Variants in ADA2 observed in about 807,000 individuals in gnomAD.
The protein encoded by ADA2 is adenosine deaminase CECR1.
ADA2 carries 29 observed loss-of-function variants against 44.2 expected under a neutral mutation model. The ratio of observed to expected loss-of-function variants is 0.66; its 90% CI spans 0.49 to 0.89. The LOEUF (loss-of-function observed/expected upper bound fraction) is 0.89. ADA2 is among the 40% of genes least tolerant of loss of function. ADA2 has a pLI of 0.00. For missense variants in ADA2, 637 were observed against 644.8 expected (o/e 0.99, Z 0.13); for synonymous variants, 215 against 234.9 (o/e 0.92, Z 0.77).
At position 17,182,011 on chromosome 22, in the gene ADA2, C is replaced by T. The variant is rs2061976532; in HGVS notation, c.1251G>A (p.Leu417=). ...VCPISNQVLK[L]VSDLRNHPVA... is the part of the protein sequence containing the mutation. ...CAGGGTGGTTCCTCAAGTCAGACAC[C>T]AGTTTCAGCACCTGCGCAATAGGAG... is the stretch of plus-strand genomic sequence containing the variant. The change falls in exon 9 of 10, where the codon CTG becomes CTA. Residue 417 remains leucine (L), a synonymous_variant. Transcript: ENST00000399837. 6.2e-7 allele frequency: 1 copy of T among 1,613,442 alleles called. No homozygotes were observed. Among genetic ancestry groups the T allele is most frequent in the Non-Finnish European group, 8.5e-7 (1 of 1,179,674 alleles).
Position 17,182,911 on chromosome 22 carries a change from TACAC to T in ADA2, c.1082-154_1082-151del, listed in dbSNP as rs972359086. ...GAAGAGAAATTAACATTAACACAAATACACACACACAGTTTCCTTTTAACAATGC... is the reference window on the plus strand; with the variant it reads ...GAAGAGAAATTAACATTAACACAAATACACACAGTTTCCTTTTAACAATGC... On this transcript the variant is annotated intron_variant, in intron 7 of 9. Transcript: ENST00000399837. 4.4e-6 allele frequency: 3 copies of T among 676,414 alleles called. No homozygotes were observed. In the Admixed American group the frequency reaches 8.8e-5, roughly 20 times the overall value. The allele number at this position is 676,414 out of a possible 1,614,324, so 41.9% of individuals were successfully genotyped here.
intron 4 of ADA2, chr22:17,192,992 A>C (rs2062139602): frequency 3.2e-6 from 2 of 634,438 alleles, no homozygotes; most frequent in East Asian, 6.1e-5. Context: ...AATACGTCAA[A>C]ATTAACCGTA....
chr22:17,194,503 CGCTGCCTGGGCA>C (rs2062165513), intron 4 of ADA2, among the ~76,000 whole-genome samples: 2 of 152,048 alleles, frequency 1.3e-5, no homozygotes, highest in Admixed American at 1.3e-4. Flanking sequence ...GGTGCTGCCC[CGCTGCCTGGGCA>C]GGCGCAGTGG....
chr22:17,215,562 T>C (rs555876416), intron 1 of ADA2, among the ~76,000 whole-genome samples: 5 of 148,032 alleles, frequency 3.4e-5, no homozygotes, highest in African/African-American at 5.0e-5. Context: ...GCCGAGATCA[T>C]GCCATTGCAC....
chr22:17,196,546 G>A (rs1379836261), intron 4 of ADA2, among the ~76,000 whole-genome samples: 1 of 152,096 alleles, frequency 6.6e-6, no homozygotes, highest in Non-Finnish European at 1.5e-5. Context: ...CAGCAGGGAA[G>A]AATAGGGTTC....
rs936355146 is a variant in ADA2 at position 17,180,498 on chromosome 22, G to A, written c.*985C>T. Reference sequence around the variant, plus strand: ...GTGTCCTTCACCAGCTATGGGAAAGGCCAGGGAAAGGTTTAAAGGGCTGAG... The same window carrying A: ...GTGTCCTTCACCAGCTATGGGAAAGACCAGGGAAAGGTTTAAAGGGCTGAG... On this transcript the variant is annotated 3_prime_UTR_variant, in exon 10 of 10. Transcript: ENST00000399837. 1 of 152,260 alleles carries A rather than the reference G, an allele frequency of 6.6e-6. No individual in the cohort carries two copies. Among genetic ancestry groups the A allele is most frequent in the African/African-American group, 2.4e-5 (1 of 41,444 alleles). The allele number at this position is 152,260 out of a possible 1,614,324, so 9.4% of individuals were successfully genotyped here.
chr22:17,183,454 CT>C (rs2061996433), intron 7 of ADA2, among the ~76,000 whole-genome samples: 3 of 76,244 alleles, frequency 3.9e-5, no homozygotes, highest in Non-Finnish European at 5.5e-5. Context: ...TTTTGTGGCA[CT>C]CTTTTTTTTT....
chr22:17,197,030 G>A (rs143677207), intron 4 of ADA2, among the ~76,000 whole-genome samples: 227 of 152,084 alleles, frequency 1.5e-3, no homozygotes, highest in African/African-American at 4.3e-3. Flanking sequence ...AAAATTAGCC[G>A]GGCATGGTGA....
intron 7 of ADA2, among the ~76,000 whole-genome samples, chr22:17,183,945 T>A (rs1434951098): frequency 1.4e-5 from 2 of 138,760 alleles, no homozygotes; most frequent in Admixed American, 7.8e-5. Context: ...GCCATCCCCA[T>A]CACACCTTTC....
At chr22:17,186,783 C>G (rs1268578905) in intron 7 of ADA2, among the ~76,000 whole-genome samples, 2 of 151,898 alleles carry the variant, frequency 1.3e-5, no homozygotes, top group Admixed American at 6.6e-5. Flanking sequence ...GCAGAAGAAT[C>G]ACTTGAACCC....
intron 1 of ADA2, among the ~76,000 whole-genome samples, chr22:17,217,820 G>A (rs147627433): frequency 1.3e-5 from 2 of 152,096 alleles, no homozygotes; most frequent in African/African-American, 4.8e-5. Flanking sequence ...AAATAAATAC[G>A]TAAATAAAAT....
At chr22:17,210,778 A>G (rs11704201) in intron 1 of ADA2, among the ~76,000 whole-genome samples, 17,425 of 150,784 alleles carry the variant, frequency 0.12, 1,150 homozygotes, top group East Asian at 0.21. Context: ...TTGTATTTTT[A>G]ATAGAGACCA....
intron 4 of ADA2, among the ~76,000 whole-genome samples, chr22:17,196,147 C>G (rs376436658): frequency 2.6e-5 from 4 of 151,938 alleles, no homozygotes; most frequent in African/African-American, 9.7e-5. Flanking sequence ...AGTTGACCAG[C>G]CTGGCCAACA....
At chr22:17,205,597 C>A (rs900088272) in intron 3 of ADA2, among the ~76,000 whole-genome samples, 1 of 152,182 alleles carries the variant, frequency 6.6e-6, no homozygotes, top group South Asian at 2.1e-4. Context: ...CTCAGCTTCA[C>A]GTTTCTCATT....
chr22:17,199,851 G>T, intron 4 of ADA2: 3 of 974,256 alleles, frequency 3.1e-6, no homozygotes, highest in Non-Finnish European at 2.8e-6. Context: ...GGCCGACGTG[G>T]GTGTATTTGC....
At chr22:17,216,993 T>A (rs2123735795) in intron 1 of ADA2, among the ~76,000 whole-genome samples, 1 of 151,898 alleles carries the variant, frequency 6.6e-6, no homozygotes, top group East Asian at 1.9e-4. Context: ...GTAATTAACA[T>A]CCTTAAAGAC....
Position 17,183,123 on chromosome 22 carries a change from C to T in ADA2, c.1082-362G>A, listed in dbSNP as rs552397410. On this transcript the variant is annotated intron_variant, in intron 7 of 9. Coordinates refer to ENST00000399837, the MANE Select transcript of ADA2 (RefSeq NM_001282225.2). ...TTTTTGAGACACAGTCTTGCTCTGT[C>T]GCCAGGCTGGAGTACAGTGGCACGA... Among the ~76,000 whole-genome samples the T allele has an allele frequency of 1.4e-4, 22 of 152,198 alleles. No individual in the cohort carries two copies. In the South Asian group the frequency reaches 4.6e-3, roughly 32 times the overall value.
chr22:17,209,719 C>CTCTCCTTTGCAGTCCCGT lies in ADA2; in HGVS notation c.-43_-42insACGGGACTGCAAAGGAGA. 6.5e-7 allele frequency: 1 copy of CTCTCCTTTGCAGTCCCGT among 1,531,776 alleles called. No individual in the cohort carries two copies. Among genetic ancestry groups the CTCTCCTTTGCAGTCCCGT allele is most frequent in the Non-Finnish European group, 8.9e-7 (1 of 1,121,108 alleles). 94.9% of individuals were successfully genotyped at this position (1,531,776 alleles called of 1,614,324 possible). On this transcript the variant is annotated 5_prime_UTR_variant, in exon 2 of 10. Transcript: ENST00000399837. ...GGAAAGGGCTCAGATGGAGACTCCA[C>CTCTCCTTTGCAGTCCCGT]GGGACTGCAAAGGAGAGTGGGGGAG...
chr22:17,212,793 T>C (rs2062431642), intron 1 of ADA2, among the ~76,000 whole-genome samples: 3 of 151,490 alleles, frequency 2.0e-5, no homozygotes, highest in African/African-American at 4.8e-5. Flanking sequence ...TTTTTTTTTT[T>C]CCTTGAGACA....
Sources: allele counts gnomAD v4.1 joint callset (sites outside exome capture counted in the v4.1 genomes callset), GRCh38; gene constraint gnomAD v4.1.1; transcripts MANE v1.5; gene names NCBI Gene and HGNC (gene_info 2026-07-23, HGNC 2026-07-21).